Variants in KLHL1 observed in about 807,000 individuals in gnomAD.
The protein encoded by KLHL1 is kelch-like protein 1.
Under a neutral mutation model 77.7 loss-of-function variants are expected in KLHL1, and 47 were observed. The observed-to-expected ratio is 0.60, with a 90% CI of 0.48 to 0.77. The LOEUF (loss-of-function observed/expected upper bound fraction) is 0.77, where lower values mean the gene tolerates loss of function less well. Ranked by LOEUF, KLHL1 falls within the 30% of genes least tolerant of loss-of-function variation. The pLI is 0.00. For synonymous variants in KLHL1, 360 were observed against 325.2 expected (o/e 1.11, Z -1.15); for missense variants, 925 against 910.8 (o/e 1.02, Z -0.20).
At chr13:70,001,554 A>G (rs927356812) in intron 1 of KLHL1, among the ~76,000 whole-genome samples, 3 of 149,850 alleles carry the variant, frequency 2.0e-5, no homozygotes, top group Non-Finnish European at 4.5e-5. Context: ...ACATTTAAAC[A>G]TTGGGATATC....
Position 69,701,642 on chromosome 13 carries a change from A to G in KLHL1, c.*60T>C. 8.4e-7 allele frequency: 1 copy of G among 1,190,918 alleles called. No individual in the cohort carries two copies. Among genetic ancestry groups the G allele is most frequent in the Non-Finnish European group, 1.2e-6 (1 of 809,872 alleles). The allele number at this position is 1,190,918 out of a possible 1,614,324, so 73.8% of individuals were successfully genotyped here. On this transcript the variant is annotated 3_prime_UTR_variant, in exon 11 of 11. Transcript: ENST00000377844. The stretch of plus-strand genomic sequence containing the variant: ...ATCTCTGGAAGTTCTCATTCTTGCC[A>G]TTCAATATAAAAATAACCACTCCAG...
chr13:70,085,646 C>A (rs572626492), intron 1 of KLHL1, among the ~76,000 whole-genome samples: 5 of 152,110 alleles, frequency 3.3e-5, no homozygotes, highest in Non-Finnish European at 7.4e-5. Context: ...GGAAGATCAC[C>A]TGAGGTCAGG....
intron 1 of KLHL1, among the ~76,000 whole-genome samples, chr13:69,977,878 C>G (rs1281146598): frequency 1.3e-5 from 2 of 152,012 alleles, no homozygotes; most frequent in Non-Finnish European, 2.9e-5. Context: ...CATAGAAAAT[C>G]CGAAAAAATT....
intron 1 of KLHL1, among the ~76,000 whole-genome samples, chr13:70,012,549 A>G (rs543403802): frequency 6.6e-6 from 1 of 152,062 alleles, no homozygotes; most frequent in Non-Finnish European, 1.5e-5. Context: ...TGAAGATGCT[A>G]TTTGAATGGT....
At chr13:69,912,064 TAAGATA>T (rs1275009731) in intron 4 of KLHL1, among the ~76,000 whole-genome samples, 1 of 152,142 alleles carries the variant, frequency 6.6e-6, no homozygotes, top group Non-Finnish European at 1.5e-5. Context: ...CTCAACTTGT[TAAGATA>T]AAGATGTGAA....
At chr13:69,788,711 G>A (rs1427852288) in intron 7 of KLHL1, among the ~76,000 whole-genome samples, 3 of 151,882 alleles carry the variant, frequency 2.0e-5, no homozygotes, top group African/African-American at 4.8e-5. Flanking sequence ...TCATAGCCTA[G>A]GAATCTTGAT....
At chr13:69,767,818 T>C (rs1875380424) in intron 7 of KLHL1, among the ~76,000 whole-genome samples, 1 of 152,162 alleles carries the variant, frequency 6.6e-6, no homozygotes, top group Non-Finnish European at 1.5e-5. Context: ...GATGTGTCTA[T>C]CAGATTAGTC....
At chr13:69,972,469 C>T (rs1884413216) in intron 2 of KLHL1, among the ~76,000 whole-genome samples, 1 of 151,734 alleles carries the variant, frequency 6.6e-6, no homozygotes, top group African/African-American at 2.4e-5. Context: ...TTTAAGTTTT[C>T]ATTTGATCAT....
chr13:70,019,495 G>A (rs1885737806), intron 1 of KLHL1, among the ~76,000 whole-genome samples: 1 of 152,090 alleles, frequency 6.6e-6, no homozygotes, highest in African/African-American at 2.4e-5. Context: ...TGGGAGGGCA[G>A]AGGCTTTGGT....
intron 1 of KLHL1, among the ~76,000 whole-genome samples, chr13:70,076,260 G>A (rs1019793855): frequency 2.0e-5 from 3 of 151,988 alleles, no homozygotes; most frequent in Non-Finnish European, 2.9e-5. Flanking sequence ...AATCAAGAGA[G>A]TGTAGTACTG....
At chr13:69,755,531 C>T (rs894266236) in intron 7 of KLHL1, among the ~76,000 whole-genome samples, 5 of 151,964 alleles carry the variant, frequency 3.3e-5, no homozygotes, top group Admixed American at 1.3e-4. Context: ...TAACATTATA[C>T]AAGCTTCTAC....
chr13:70,027,099 T>C (rs1885968483), intron 1 of KLHL1, among the ~76,000 whole-genome samples: 1 of 152,066 alleles, frequency 6.6e-6, no homozygotes, highest in East Asian at 1.9e-4. Context: ...AAAACAAATA[T>C]GAAATACTAA....
intron 4 of KLHL1, among the ~76,000 whole-genome samples, chr13:69,937,729 C>A (rs952994797): frequency 1.3e-5 from 2 of 152,010 alleles, no homozygotes; most frequent in African/African-American, 4.8e-5. Flanking sequence ...CAAAAGATTT[C>A]GGAATTATTT....
At chr13:69,939,368 TATATATATATAC>T (rs1404218236) in intron 4 of KLHL1, among the ~76,000 whole-genome samples, 3 of 89,484 alleles carry the variant, frequency 3.4e-5, no homozygotes, top group Non-Finnish European at 7.1e-5. Flanking sequence ...TATATATATA[TATATATATATAC>T]ACACACACAC....
At chr13:70,008,837 A>G (rs187762091) in intron 1 of KLHL1, among the ~76,000 whole-genome samples, 2 of 152,268 alleles carry the variant, frequency 1.3e-5, no homozygotes, top group African/African-American at 4.8e-5. Flanking sequence ...GATCAAATTA[A>G]TTAATTTTCA....
At chr13:69,924,617 T>C (rs942671741) in intron 4 of KLHL1, among the ~76,000 whole-genome samples, 1 of 152,178 alleles carries the variant, frequency 6.6e-6, no homozygotes, top group Non-Finnish European at 1.5e-5. Context: ...TCCTTCTTCC[T>C]GGGCACGGGA....
intron 5 of KLHL1, among the ~76,000 whole-genome samples, chr13:69,844,647 G>GTACA (rs1879387526): frequency 6.6e-6 from 1 of 151,446 alleles, no homozygotes; most frequent in South Asian, 2.1e-4. Flanking sequence ...ATCCTACTAG[G>GTACA]TACAATTTGA....
chr13:70,029,805 T>C (rs530854001), intron 1 of KLHL1, among the ~76,000 whole-genome samples: 3 of 152,154 alleles, frequency 2.0e-5, no homozygotes, highest in Non-Finnish European at 4.4e-5. Context: ...AGACACAGAC[T>C]GGCAAATTGG....
At chr13:70,099,751 T>C (rs12873728) in intron 1 of KLHL1, among the ~76,000 whole-genome samples, 4,703 of 152,148 alleles carry the variant, frequency 0.031, 125 homozygotes, top group Admixed American at 0.071. Flanking sequence ...TTAATTAAAC[T>C]AAGATTAAAC....
Sources: gnomAD v4.1 joint callset for allele counts (sites outside exome capture counted in the v4.1 genomes callset) on GRCh38, gnomAD v4.1.1 for gene constraint, MANE v1.5 for transcripts, NCBI Gene and HGNC (gene_info 2026-07-23, HGNC 2026-07-21) for gene names.